GALNT10: variants seen among roughly 807,000 people sequenced by gnomAD.
GALNT10 encodes polypeptide N-acetylgalactosaminyltransferase 10.
A neutral mutation model predicts 75.0 loss-of-function variants in GALNT10; 41 were observed. That is an observed-to-expected ratio of 0.55 (90% CI 0.43 to 0.71). The LOEUF is 0.71. GALNT10 is among the 30% of genes least tolerant of loss of function. The pLI is 0.00. For missense variants in GALNT10, 727 were observed against 818.5 expected (o/e 0.89, Z 1.36); for synonymous variants, 302 against 313.0 (o/e 0.96, Z 0.37).
At chr5:154,350,974 G>A (rs1755197069) in intron 4 of GALNT10, among the ~76,000 whole-genome samples, 1 of 152,212 alleles carries the variant, frequency 6.6e-6, no homozygotes, top group Admixed American at 6.5e-5. Context: ...GTCTGGCTGA[G>A]AACTTGCATT....
chr5:154,190,878 G>C lies in GALNT10; in HGVS notation c.12G>C (p.Lys4Asn), dbSNP rs1180666667. MRR[K>N]EKRLLQAVAL... ...GCTGACCGGCCCCGATGAGGCGGAAGGAGAAGCGGCTCCTGCAGGCGGTGG... is the reference window on the plus strand; with the variant it reads ...GCTGACCGGCCCCGATGAGGCGGAACGAGAAGCGGCTCCTGCAGGCGGTGG... The change falls in exon 1 of 12, where the codon AAG (lysine) becomes AAC (asparagine). Residue 4 changes from lysine to asparagine, a missense_variant. Coordinates refer to ENST00000297107, the MANE Select transcript of GALNT10 (RefSeq NM_198321.4). 23 of 1,426,216 alleles carry C rather than the reference G, an allele frequency of 1.6e-5. No individual in the cohort carries two copies. The highest frequency in any genetic ancestry group is 2.1e-5 in the Non-Finnish European group (23 of 1,083,622). The allele number at this position is 1,426,216 out of a possible 1,614,324, so 88.3% of individuals were successfully genotyped here. A position where few individuals can be genotyped will look rare whatever the true frequency, so the allele number is the denominator to read the frequency against.
chr5:154,219,935 C>T (rs1174461815), intron 1 of GALNT10: 2 of 152,042 alleles, frequency 1.3e-5, no homozygotes, highest in Non-Finnish European at 2.9e-5. Flanking sequence ...TTCCCACTCC[C>T]ACAAAGTAGA....
At chr5:154,240,455 C>A (rs1016946415) in intron 1 of GALNT10, among the ~76,000 whole-genome samples, 1 of 152,156 alleles carries the variant, frequency 6.6e-6, no homozygotes, top group African/African-American at 2.4e-5. Flanking sequence ...ATGGGGTCAG[C>A]TTGACACAAT....
rs1048562560 is a variant in GALNT10, at chr5:154,206,884, C to T, written c.159+15859C>T. 8.5e-5 allele frequency among the ~76,000 whole-genome samples: 13 copies of T among 152,202 alleles called. No individual in the cohort carries two copies. In the East Asian group the frequency reaches 1.3e-3, roughly 16 times the overall value. ...GGGCTAGGCCTCAGAAAGGTAACTA[C>T]GGCAACGCAGGAGCCACAGGAGGCA... On this transcript the variant is annotated intron_variant, in intron 1 of 11. Transcript: ENST00000297107.
chr5:154,249,901 A>T (rs1049568622), intron 1 of GALNT10, among the ~76,000 whole-genome samples: 6 of 151,740 alleles, frequency 4.0e-5, no homozygotes, highest in Admixed American at 2.6e-4. Flanking sequence ...ATATAAGGGA[A>T]TTTTTTTTTC....
intron 1 of GALNT10, among the ~76,000 whole-genome samples, chr5:154,225,995 A>AG (rs1385392913): frequency 7.4e-5 from 11 of 147,970 alleles, no homozygotes; most frequent in African/African-American, 2.7e-4. Flanking sequence ...GGGTAGGGGA[A>AG]GGGGGGAGGG....
intron 1 of GALNT10, among the ~76,000 whole-genome samples, chr5:154,294,286 G>A (rs541338408): frequency 1.6e-4 from 25 of 152,242 alleles, no homozygotes; most frequent in South Asian, 6.2e-4. Context: ...GTGAGCCATC[G>A]TAGTGCCACT....
intron 1 of GALNT10, among the ~76,000 whole-genome samples, chr5:154,212,748 C>A (rs965476116): frequency 1.3e-5 from 2 of 151,854 alleles, no homozygotes; most frequent in Non-Finnish European, 2.9e-5. Flanking sequence ...GCGGGCAGAT[C>A]ACAAGGTCAG....
intron 4 of GALNT10, chr5:154,337,959 T>A (rs1344384150): frequency 6.3e-7 from 1 of 1,575,972 alleles, no homozygotes; most frequent in East Asian, 2.2e-5. Context: ...ATCCACGGAG[T>A]CATGGTCGTC....
rs988425012 is a variant in GALNT10, at chr5:154,230,089, A to C, written c.159+39064A>C. Among the ~76,000 whole-genome samples, 5 of 152,280 alleles carry C rather than the reference A, an allele frequency of 3.3e-5. No homozygotes were observed. The East Asian group carries it at 7.7e-4, about 23-fold the overall frequency. Reference sequence around the variant, plus strand: ...CTGGAATTTCCATATTCAAATAATAAATTTTTTGTTTTGTGAATAGACTTG... The same window carrying C: ...CTGGAATTTCCATATTCAAATAATACATTTTTTGTTTTGTGAATAGACTTG... On this transcript the variant is annotated intron_variant, in intron 1 of 11. Coordinates refer to ENST00000297107, the MANE Select transcript of GALNT10 (RefSeq NM_198321.4).
intron 4 of GALNT10, among the ~76,000 whole-genome samples, chr5:154,366,143 G>A (rs1755470405): frequency 6.6e-6 from 1 of 152,196 alleles, no homozygotes; most frequent in South Asian, 2.1e-4. Flanking sequence ...AAAATAATAT[G>A]CAGTCCAATA....
At chr5:154,280,716 T>C (rs565970778) in intron 1 of GALNT10, among the ~76,000 whole-genome samples, 1 of 152,346 alleles carries the variant, frequency 6.6e-6, no homozygotes, top group Admixed American at 6.5e-5. Context: ...CCAAAGTCAC[T>C]AAGATTTTCT....
intron 7 of GALNT10, 39 bp from the exon 8 acceptor site, chr5:154,404,065 G>A (rs768237625): frequency 6.7e-7 from 1 of 1,501,184 alleles, no homozygotes; most frequent in Non-Finnish European, 9.3e-7. Context: ...TGAACTGGAA[G>A]CAGAAACGTC....
chr5:154,367,130 C>T (rs1755488229), intron 4 of GALNT10, among the ~76,000 whole-genome samples: 1 of 152,166 alleles, frequency 6.6e-6, no homozygotes, highest in South Asian at 2.1e-4. Flanking sequence ...CCCAGTGAAT[C>T]ACACCTTGTA....
chr5:154,357,203 G>C (rs1453121118), intron 4 of GALNT10, among the ~76,000 whole-genome samples: 1 of 152,124 alleles, frequency 6.6e-6, no homozygotes, highest in Non-Finnish European at 1.5e-5. Context: ...GAACTACCGG[G>C]AAACAACAGC....
intron 8 of GALNT10, among the ~76,000 whole-genome samples, chr5:154,405,785 G>T (rs747598586): frequency 8.6e-5 from 13 of 152,022 alleles, no homozygotes; most frequent in Non-Finnish European, 1.5e-4. Context: ...GGTCGAGGCT[G>T]CAGTGAGCTG....
intron 4 of GALNT10, among the ~76,000 whole-genome samples, chr5:154,373,634 A>G (rs991278828): frequency 1.3e-5 from 2 of 152,092 alleles, no homozygotes; most frequent in Non-Finnish European, 2.9e-5. Flanking sequence ...CATCATAATC[A>G]TCATCATCTT....
Position 154,190,938 on chromosome 5 carries a change from C to T in GALNT10, c.72C>T (p.Asn24=), listed in dbSNP as rs1216811572. The part of the protein sequence containing the change: ...LVLAALVLLP[N]VGLWALYRER... ...TGGCGGCCCTGGTCCTCCTGCCCAA[C>T]GTGGGGCTTTGGGCGCTGTACCGCG... is the stretch of plus-strand genomic sequence containing the variant. The change falls in exon 1 of 12, where the codon AAC becomes AAT. Residue 24 remains asparagine, a synonymous_variant. Coordinates refer to ENST00000297107, the MANE Select transcript of GALNT10 (RefSeq NM_198321.4). The T allele has an allele frequency of 6.6e-7, 1 of 1,509,400 alleles. No homozygotes were observed. The highest frequency in any genetic ancestry group is 2.6e-5 in the East Asian group (1 of 38,532). 93.5% of individuals were successfully genotyped at this position (1,509,400 alleles called of 1,614,324 possible).
rs112509781 is a variant in GALNT10 at position 154,369,729 on chromosome 5, C to T, written c.569-6548C>T. Among the ~76,000 whole-genome samples, 985 of 152,270 alleles carry T rather than the reference C, an allele frequency of 6.5e-3. 13 individuals are homozygous for T. Among genetic ancestry groups the T allele is most frequent in the African/African-American group, 0.023 (946 of 41,540 alleles). On this transcript the variant is annotated intron_variant, in intron 4 of 11. Transcript: ENST00000297107. ...AGCAGAGCCAAGATTTGACAAGACC[C>T]GGGACACCTACAGGTCCCAGAGCCA...
Sources: allele counts gnomAD v4.1 joint callset (sites outside exome capture counted in the v4.1 genomes callset), GRCh38; gene constraint gnomAD v4.1.1; transcripts MANE v1.5; gene names NCBI Gene and HGNC (gene_info 2026-07-23, HGNC 2026-07-21).